The following CCDC85A variants were observed in gnomAD, a reference collection of about 807,000 sequenced individuals.
CCDC85A encodes coiled-coil domain containing 85A, also known as coiled-coil domain-containing protein 85A.
A neutral mutation model predicts 50.2 loss-of-function variants in CCDC85A; 38 were observed. The ratio of observed to expected loss-of-function variants is 0.76; its 90% confidence interval spans 0.58 to 0.99. The LOEUF is 0.99. CCDC85A is among the 50% of genes least tolerant of loss of function. The pLI, the probability that CCDC85A is intolerant of heterozygous loss-of-function variation, is 0.00. For synonymous variants in CCDC85A, 366 were observed against 301.4 expected, an observed-to-expected ratio of 1.21 and a Z score of -2.22; for missense variants, 820 against 742.0, an observed-to-expected ratio of 1.11 and a Z score of -1.22.
At chr2:56,237,074 T>C (rs1168536925) in intron 2 of CCDC85A, among the ~76,000 whole-genome samples, 2 of 152,188 alleles carry the variant, frequency 1.3e-5, no homozygotes, top group African/African-American at 4.8e-5. Context: ...GGGCATTTCT[T>C]AATGATGCTT....
At chr2:56,378,153 A>T (rs909665752) in intron 5 of CCDC85A, among the ~76,000 whole-genome samples, 1 of 152,154 alleles carries the variant, frequency 6.6e-6, no homozygotes, top group Non-Finnish European at 1.5e-5. Context: ...GCCACTTGAC[A>T]TGTTTTGTTT....
rs572121363 is a variant in CCDC85A, at chr2:56,320,061, G to A, written c.1241-22818G>A. ...CTACTGGGTACATAACAAAATGAAG[G>A]CAGAAATAAAGATGTTATTTGAAAC... On this transcript the variant is annotated intron_variant, in intron 2 of 5. Coordinates refer to ENST00000407595, the MANE Select transcript of CCDC85A (RefSeq NM_001080433.2). 3.3e-5 allele frequency among the ~76,000 whole-genome samples: 5 copies of A among 152,230 alleles called. No homozygotes were observed. In the South Asian group the frequency reaches 8.3e-4, roughly 25 times the overall value.
At chr2:56,351,441 T>G (rs1165933405) in intron 3 of CCDC85A, among the ~76,000 whole-genome samples, 1 of 145,408 alleles carries the variant, frequency 6.9e-6, no homozygotes, top group African/African-American at 2.6e-5. Flanking sequence ...ACTTCCACAA[T>G]GGTTGAACTA....
intron 2 of CCDC85A, among the ~76,000 whole-genome samples, chr2:56,273,882 C>T (rs1020145508): frequency 4.6e-5 from 7 of 151,956 alleles, no homozygotes; most frequent in African/African-American, 1.7e-4. Flanking sequence ...AGGCATAAGG[C>T]ATATCTGATG....
intron 1 of CCDC85A, among the ~76,000 whole-genome samples, chr2:56,189,981 T>C (rs1293856134): frequency 2.0e-5 from 3 of 152,020 alleles, no homozygotes; most frequent in Non-Finnish European, 4.4e-5. Context: ...AGGAACAGAG[T>C]TGTTGGTGAT....
intron 3 of CCDC85A, among the ~76,000 whole-genome samples, chr2:56,346,073 T>C (rs1171048295): frequency 3.3e-5 from 5 of 152,164 alleles, no homozygotes; most frequent in Non-Finnish European, 2.9e-5. Flanking sequence ...TAGCCAGAAT[T>C]TTTGCTTTTA....
intron 2 of CCDC85A, among the ~76,000 whole-genome samples, chr2:56,308,971 T>C (rs1281019837): frequency 2.0e-5 from 3 of 152,176 alleles, no homozygotes; most frequent in African/African-American, 7.2e-5. Flanking sequence ...AACTCTGTTT[T>C]GGAGGAAGGG....
intron 2 of CCDC85A, among the ~76,000 whole-genome samples, chr2:56,261,580 A>G (rs1456422739): frequency 6.6e-6 from 1 of 152,158 alleles, no homozygotes; most frequent in Non-Finnish European, 1.5e-5. Flanking sequence ...AACATCCAAT[A>G]TATGCAAAAT....
intron 1 of CCDC85A, among the ~76,000 whole-genome samples, chr2:56,187,597 A>G (rs191066643): frequency 1.1e-4 from 17 of 152,340 alleles, no homozygotes; most frequent in Non-Finnish European, 1.5e-4. Context: ...TTAATTCCAC[A>G]TGAGGTTTTA....
chr2:56,255,732 T>A (rs942261529), intron 2 of CCDC85A, among the ~76,000 whole-genome samples: 1 of 152,122 alleles, frequency 6.6e-6, no homozygotes, highest in Non-Finnish European at 1.5e-5. Flanking sequence ...GTGAGACTCT[T>A]AAAGTCATGG....
chr2:56,276,144 A>G (rs538879610), intron 2 of CCDC85A, among the ~76,000 whole-genome samples: 1 of 152,278 alleles, frequency 6.6e-6, no homozygotes, highest in South Asian at 2.1e-4. Context: ...TATTAGGTAA[A>G]TTTAGAAACT....
chr2:56,223,817 G>C (rs933467367), intron 2 of CCDC85A, among the ~76,000 whole-genome samples: 1 of 152,144 alleles, frequency 6.6e-6, no homozygotes, highest in Non-Finnish European at 1.5e-5. Flanking sequence ...GATTTGAAAA[G>C]ATATGAGGGA....
chr2:56,260,488 G>C (rs1573120191), intron 2 of CCDC85A, among the ~76,000 whole-genome samples: 1 of 152,312 alleles, frequency 6.6e-6, no homozygotes, highest in East Asian at 1.9e-4. Flanking sequence ...ACACAAACAT[G>C]ATAAATTTGT....
chr2:56,306,222 CG>C (rs1357163954), intron 2 of CCDC85A, among the ~76,000 whole-genome samples: 1 of 152,090 alleles, frequency 6.6e-6, no homozygotes, highest in Non-Finnish European at 1.5e-5. Context: ...CTCCGCCTCC[CG>C]GGTTCAAGCG....
At chr2:56,212,067 C>T (rs1278820812) in intron 2 of CCDC85A, among the ~76,000 whole-genome samples, 3 of 152,030 alleles carry the variant, frequency 2.0e-5, no homozygotes, top group African/African-American at 4.8e-5. Flanking sequence ...ACTCCCATAT[C>T]CTCTAACACA....
chr2:56,244,871 A>G (rs1040385493), intron 2 of CCDC85A, among the ~76,000 whole-genome samples: 4 of 152,000 alleles, frequency 2.6e-5, no homozygotes, highest in Non-Finnish European at 5.9e-5. Flanking sequence ...TCTGAAAGCT[A>G]GGGCCTGGAA....
At chr2:56,339,755 C>A (rs540815131) in intron 2 of CCDC85A, among the ~76,000 whole-genome samples, 7 of 148,682 alleles carry the variant, frequency 4.7e-5, no homozygotes, top group East Asian at 2.0e-4. Flanking sequence ...TTTTTTTTTT[C>A]CAGAGGAAAG....
At chr2:56,351,309 C>T (rs1391182959) in intron 3 of CCDC85A, among the ~76,000 whole-genome samples, 2 of 151,624 alleles carry the variant, frequency 1.3e-5, no homozygotes, top group Non-Finnish European at 2.9e-5. Context: ...CCGCAATAAA[C>T]ATACGTGTGC....
intron 3 of CCDC85A, among the ~76,000 whole-genome samples, chr2:56,365,093 T>A (rs1174216859): frequency 1.3e-5 from 2 of 152,226 alleles, no homozygotes; most frequent in Non-Finnish European, 2.9e-5. Flanking sequence ...CCTCATATCC[T>A]GTGCTCACAT....
Sources: gnomAD v4.1 joint callset for allele counts (sites outside exome capture counted in the v4.1 genomes callset) on GRCh38, gnomAD v4.1.1 for gene constraint, MANE v1.5 for transcripts, NCBI Gene and HGNC (gene_info 2026-07-23, HGNC 2026-07-21) for gene names.